Variants in NPIPA5 observed in about 807,000 individuals in gnomAD.
NPIPA5 encodes nuclear pore complex-interacting protein family member A5.
A neutral mutation model predicts 21.4 loss-of-function variants in NPIPA5; 6 were observed. The observed-to-expected ratio is 0.28, with a 90% CI of 0.15 to 0.55. The LOEUF (loss-of-function observed/expected upper bound fraction) is 0.55, where lower values mean the gene tolerates loss of function less well. Among genes scored for constraint, NPIPA5 ranks in the 20% least tolerant of loss-of-function variants. The pLI, the probability that NPIPA5 is intolerant of heterozygous loss-of-function variation, is 0.93. For missense variants in NPIPA5, 99 were observed against 318.2 expected, an observed-to-expected ratio of 0.31 and a Z score of 5.24; for synonymous variants, 33 against 115.3, an observed-to-expected ratio of 0.29 and a Z score of 4.57.
intron 4 of NPIPA5, among the ~76,000 whole-genome samples, chr16:15,369,287 C>A (rs1288221568): frequency 2.0e-5 from 3 of 148,626 alleles, no homozygotes; most frequent in Non-Finnish European, 4.5e-5. Context: ...GAAACCCCAT[C>A]TCTAGTAAAA....
chr16:15,366,830 C>T, intron 4 of NPIPA5, 70 bp from the exon 5 acceptor site: 13 of 1,516,934 alleles, frequency 8.6e-6, no homozygotes, highest in Non-Finnish European at 1.1e-5. Context: ...CTTCTGGCAT[C>T]TGAAGGCTGT....
rs201591473 is a variant in NPIPA5 at position 15,369,768 on chromosome 16, T to C, written c.381A>G (p.Thr127=). 4,474 of 912,144 alleles carry C rather than the reference T, an allele frequency of 4.9e-3. 26 individuals carry two copies. Among genetic ancestry groups the C allele is most frequent in the Middle Eastern group, 0.013 (38 of 2,952 alleles). 56.5% of individuals were successfully genotyped at this position (912,144 alleles called of 1,614,324 possible). A position where few individuals can be genotyped will look rare whatever the true frequency, so the allele number is the denominator to read the frequency against. Residue 127 remains threonine (T), a synonymous_variant, in exon 4 of 8, where the codon ACA becomes ACG. Transcript: ENST00000360151. ...VRAKIRKMKV[T]TKVNRHDKIN... is the part of the protein sequence containing the mutation. ...TTTTGTCATGACGGTTGACTTTTGT[T>C]GTCACCTTCATCTTACGGATTTTAG...
upstream of NPIPA5, among the ~76,000 whole-genome samples, chr16:15,379,516 G>A (rs1390570022): frequency 1.3e-5 from 2 of 151,932 alleles, no homozygotes; most frequent in African/African-American, 4.8e-5. Context: ...GCAGTGAGCC[G>A]AGATTGCACC....
chr16:15,370,779 G>C (rs1485360628), intron 2 of NPIPA5, among the ~76,000 whole-genome samples: 9 of 147,738 alleles, frequency 6.1e-5, no homozygotes, highest in Non-Finnish European at 1.3e-4. Context: ...GGCCAGGTGC[G>C]GTAGCTCACG....
intron 2 of NPIPA5, among the ~76,000 whole-genome samples, chr16:15,370,765 A>T (rs1235743305): frequency 2.8e-5 from 4 of 143,552 alleles, no homozygotes; most frequent in African/African-American, 7.6e-5. Context: ...AAAAAAAAAA[A>T]ATAGGCCAGG....
chr16:15,372,123 A>G (rs1253252225), intron 2 of NPIPA5, among the ~76,000 whole-genome samples: 4 of 148,874 alleles, frequency 2.7e-5, no homozygotes, highest in African/African-American at 7.4e-5. Context: ...GATGAGAGGT[A>G]CAAAGTTGTC....
At chr16:15,379,762 T>C (rs567376904), upstream of NPIPA5, among the ~76,000 whole-genome samples, 18 of 152,078 alleles carry the variant, frequency 1.2e-4, no homozygotes, top group African/African-American at 4.1e-4. Context: ...CTGGCCAATA[T>C]GGTGAAACCC....
At chr16:15,376,760 C>CA (rs2050306029) in intron 1 of NPIPA5, among the ~76,000 whole-genome samples, 1 of 151,522 alleles carries the variant, frequency 6.6e-6, no homozygotes, top group East Asian at 1.9e-4. Context: ...ACTAAAAATA[C>CA]AAAAATTAGC....
chr16:15,371,993 C>G (rs2150867750), intron 2 of NPIPA5, among the ~76,000 whole-genome samples: 1 of 144,414 alleles, frequency 6.9e-6, no homozygotes, highest in Admixed American at 7.4e-5. Context: ...CAGTTTGGAG[C>G]TAGGAGAAAT....
chr16:15,371,814 CTTTCAAATTCTTTGTAGAATTTGTTT>C (rs2050163674), intron 2 of NPIPA5, among the ~76,000 whole-genome samples: 1 of 143,146 alleles, frequency 7.0e-6, no homozygotes, highest in South Asian at 2.3e-4. Context: ...GAAATAATAT[CTTTCAAATTCTTTGTAGAATTTGTTT>C]TTTCCTGATT....
chr16:15,379,496 G>A (rs1354735781), upstream of NPIPA5, among the ~76,000 whole-genome samples: 20 of 151,976 alleles, frequency 1.3e-4, no homozygotes, highest in Non-Finnish European at 7.4e-5. Context: ...GAACCCGGGA[G>A]GCAGAGTCTG....
chr16:15,371,656 C>A (rs1221145159), intron 2 of NPIPA5, among the ~76,000 whole-genome samples: 1 of 141,174 alleles, frequency 7.1e-6, no homozygotes, highest in South Asian at 2.4e-4. Flanking sequence ...GTGCCTGCTA[C>A]CATGCCTGGC....
intron 1 of NPIPA5, among the ~76,000 whole-genome samples, chr16:15,374,115 T>C (rs1477887506): frequency 6.8e-6 from 1 of 146,992 alleles, no homozygotes; most frequent in Non-Finnish European, 1.5e-5. Context: ...CTTCCCTGCC[T>C]ATATTAAAAG....
chr16:15,377,701 A>C (rs1293608926), intron 1 of NPIPA5, among the ~76,000 whole-genome samples: 4 of 61,264 alleles, frequency 6.5e-5, no homozygotes, highest in Non-Finnish European at 6.8e-5. Context: ...AAGGAGGAGA[A>C]GGGGGCTGTT....
At chr16:15,376,054 G>C (rs62037838) in intron 1 of NPIPA5, among the ~76,000 whole-genome samples, 31,946 of 150,842 alleles carry the variant, frequency 0.21, 3,955 homozygotes, top group East Asian at 0.53. Context: ...AGTTAGAGAA[G>C]CATACAACAA....
upstream of NPIPA5, among the ~76,000 whole-genome samples, chr16:15,379,985 CTGTGTGTGTGTG>C (rs370938234): frequency 1.8e-3 from 260 of 143,592 alleles, 6 homozygotes; most frequent in East Asian, 0.045. Flanking sequence ...GTGTGTGTGT[CTGTGTGTGTGTG>C]TGTGTGTGTG....
At chr16:15,375,289 C>G (rs1312190902) in intron 1 of NPIPA5, among the ~76,000 whole-genome samples, 1 of 147,776 alleles carries the variant, frequency 6.8e-6, no homozygotes, top group Non-Finnish European at 1.5e-5. Context: ...ACATTGGATG[C>G]ATTTATTATA....
At chr16:15,370,438 A>ACT (rs1180687992) in intron 2 of NPIPA5, among the ~76,000 whole-genome samples, 1 of 141,174 alleles carries the variant, frequency 7.1e-6, no homozygotes, top group Non-Finnish European at 1.5e-5. Flanking sequence ...ACACACACAC[A>ACT]CACACACACA....
chr16:15,369,294 A>G, intron 4 of NPIPA5, among the ~76,000 whole-genome samples: 1 of 149,334 alleles, frequency 6.7e-6, no homozygotes, highest in Admixed American at 6.7e-5. Flanking sequence ...CATCTCTAGT[A>G]AAAATACAAA....
Sources: gnomAD v4.1 joint callset for allele counts (sites outside exome capture counted in the v4.1 genomes callset) on GRCh38, gnomAD v4.1.1 for gene constraint, MANE v1.5 for transcripts, NCBI Gene and HGNC (gene_info 2026-07-23, HGNC 2026-07-21) for gene names.